Variants in SSH1 observed in about 807,000 individuals in gnomAD.
SSH1 encodes the protein protein phosphatase Slingshot homolog 1.
Under a neutral mutation model 79.7 loss-of-function variants are expected in SSH1, and 43 were observed. The ratio of observed to expected loss-of-function variants is 0.54; its 90% CI spans 0.42 to 0.70. The LOEUF (loss-of-function observed/expected upper bound fraction) is 0.70. Among genes scored for constraint, SSH1 ranks in the 30% least tolerant of loss-of-function variants. The pLI, the probability that SSH1 is intolerant of heterozygous loss-of-function variation, is 0.00. For missense variants in SSH1, 1,206 were observed against 1,358.8 expected, an observed-to-expected ratio of 0.89 and a Z score of 1.77; for synonymous variants, 599 against 538.3, an observed-to-expected ratio of 1.11 and a Z score of -1.56.
rs532989573 is a variant in SSH1 at position 108,846,505 on chromosome 12, C to T, written c.110+6133G>A. 4.6e-5 allele frequency among the ~76,000 whole-genome samples: 7 copies of T among 152,324 alleles called. No homozygotes were observed. In the East Asian group the frequency reaches 7.7e-4, roughly 17 times the overall value. ...ACAGCTTCCAAAGAGGGACTACGAG[C>T]GGCCAGCAGCAGCCTGCACATGCAG... On this transcript the variant is annotated intron_variant, in intron 2 of 14. Coordinates refer to ENST00000326495, the MANE Select transcript of SSH1 (RefSeq NM_018984.4).
In SSH1 at chr12:108,788,865, T is replaced by A. The variant is rs200922595; in HGVS notation, c.2273A>T (p.Lys758Met). Residue 758 changes from lysine to methionine, a missense_variant, in exon 15 of 15, where the codon AAG (lysine) becomes ATG (methionine). Lys to Met is a moderately conservative substitution (Grantham distance 95). Coordinates refer to ENST00000326495, the MANE Select transcript of SSH1 (RefSeq NM_018984.4). ...PKVLPKSLLL[K>M]NSHCDKNPPS... ...AGGGTTCTTATCACAGTGAGAATTC[T>A]TCAAAAGGAGGGACTTTGGCAGGAC... is the stretch of plus-strand genomic sequence containing the variant. 12 of 1,614,098 alleles carry A rather than the reference T, an allele frequency of 7.4e-6. No homozygotes were observed. The highest frequency in any genetic ancestry group is 1.0e-5 in the Non-Finnish European group (12 of 1,180,044).
At chr12:108,810,506 A>G (rs996998464) in intron 6 of SSH1, among the ~76,000 whole-genome samples, 2 of 152,156 alleles carry the variant, frequency 1.3e-5, no homozygotes, top group African/African-American at 4.8e-5. Context: ...AGGGTGACAG[A>G]GTGAGACTCC....
rs917471254 is a variant in SSH1 at position 108,809,061 on chromosome 12, T to C, written c.536+632A>G. 2.0e-5 allele frequency among the ~76,000 whole-genome samples: 3 copies of C among 150,662 alleles called. No homozygotes were observed. In the South Asian group the frequency reaches 6.5e-4, roughly 33 times the overall value. On this transcript the variant is annotated intron_variant, in intron 7 of 14. Coordinates refer to ENST00000326495, the MANE Select transcript of SSH1 (RefSeq NM_018984.4). ...GTTGGCCAGGCTGGTCTCAAACTCC[T>C]GACCTCAGGTCATCCACCCACCGTG...
At chr12:108,838,236 T>C (rs1474151367) in intron 2 of SSH1, among the ~76,000 whole-genome samples, 2 of 152,220 alleles carry the variant, frequency 1.3e-5, no homozygotes, top group African/African-American at 4.8e-5. Flanking sequence ...CTTTCATCTC[T>C]TGCATAGTTT....
At chr12:108,816,431 T>G (rs1319916334) in intron 5 of SSH1, among the ~76,000 whole-genome samples, 1 of 152,236 alleles carries the variant, frequency 6.6e-6, no homozygotes, top group Non-Finnish European at 1.5e-5. Context: ...AGGCATTCAT[T>G]TATCTTGTGA....
intron 3 of SSH1, among the ~76,000 whole-genome samples, chr12:108,820,670 G>T (rs2038083792): frequency 6.6e-6 from 1 of 152,176 alleles, no homozygotes; most frequent in Non-Finnish European, 1.5e-5. Context: ...GACTGGACTG[G>T]CTGAAACAAA....
chr12:108,802,238 C>T, intron 11 of SSH1, 84 bp downstream of exon 11: 1 of 1,316,180 alleles, frequency 7.6e-7, no homozygotes, highest in Non-Finnish European at 1.1e-6. Flanking sequence ...AGGCAGGCAG[C>T]CCCAAGGTCT....
intron 2 of SSH1, among the ~76,000 whole-genome samples, chr12:108,841,814 C>A (rs186169816): frequency 0.023 from 3,308 of 143,036 alleles, 133 homozygotes; most frequent in African/African-American, 0.084. Context: ...TCCCCCCCCA[C>A]AAAAAAAAAG....
Position 108,799,113 on chromosome 12 carries a change from G to A in SSH1, c.1236C>T (p.Phe412=), listed in dbSNP as rs184372660. The A allele has an allele frequency of 2.3e-5, 37 of 1,614,194 alleles. No individual in the cohort carries two copies. The highest frequency in any genetic ancestry group is 1.7e-4 in the African/African-American group (13 of 75,064). The change falls in exon 13 of 15, where the codon TTC becomes TTT. Residue 412 remains phenylalanine, a synonymous_variant. Transcript: ENST00000326495. ...TATATGCTTTTTCCAGAGGCCAGCC[G>A]AATTCCTTCATTGCATAGGCTATGA... ...STVIAYAMKE[F]GWPLEKAYNY...
In SSH1 at chr12:108,787,881, C is replaced by T; in HGVS notation, c.*107G>A. ...TAGGGGAAAAGTTAGGATGACTTCACTCGTTTAAGGGAAATCAAGATGTAA... is the reference window on the plus strand; with the variant it reads ...TAGGGGAAAAGTTAGGATGACTTCATTCGTTTAAGGGAAATCAAGATGTAA... On this transcript the variant is annotated 3_prime_UTR_variant, in exon 15 of 15. Coordinates refer to ENST00000326495, the MANE Select transcript of SSH1 (RefSeq NM_018984.4). 1 of 1,431,406 alleles carries T rather than the reference C, an allele frequency of 7.0e-7. No individual in the cohort carries two copies. Among genetic ancestry groups the T allele is most frequent in the South Asian group, 1.2e-5 (1 of 84,724 alleles). The allele number at this position is 1,431,406 out of a possible 1,614,324, so 88.7% of individuals were successfully genotyped here.
intron 2 of SSH1, among the ~76,000 whole-genome samples, chr12:108,845,362 C>T (rs891692104): frequency 6.6e-5 from 10 of 152,096 alleles, no homozygotes; most frequent in Non-Finnish European, 1.3e-4. Flanking sequence ...ATTCCTGACC[C>T]ATGGAAGCTG....
chr12:108,852,819 T>A (rs1230792316), intron 1 of SSH1, 141 bp from the exon 2 acceptor site: 1 of 1,558,258 alleles, frequency 6.4e-7, no homozygotes, highest in African/African-American at 1.4e-5. Context: ...AGCCGTGCCC[T>A]TTCCTCACCA....
intron 13 of SSH1, among the ~76,000 whole-genome samples, chr12:108,795,375 G>A (rs2036704567): frequency 6.6e-6 from 1 of 151,804 alleles, no homozygotes; most frequent in African/African-American, 2.4e-5. Flanking sequence ...TCAGCCTCCT[G>A]AGTAGCTGAG....
Position 108,788,986 on chromosome 12 carries a change from C to A in SSH1, c.2152G>T (p.Ala718Ser), listed in dbSNP as rs539790565. ...PTEPPPFLPP[A>S]GSRRADTSGP... ...CTGGTGTCTGCCCTCCTGGAGCCTG[C>A]TGGTGGTAGGAACGGGGGAGGTTCG... Residue 718 changes from alanine (A) to serine (S), a missense_variant, in exon 15 of 15, where the codon GCA becomes TCA. Physicochemically the swap from Ala to Ser is moderately conservative, Grantham distance 99. Coordinates refer to ENST00000326495, the MANE Select transcript of SSH1 (RefSeq NM_018984.4). 44 of 1,611,476 alleles carry A rather than the reference C, an allele frequency of 2.7e-5. 1 individual carries two copies. The South Asian group carries it at 4.7e-4, about 17-fold the overall frequency.
Position 108,799,131 on chromosome 12 carries a change from G to A in SSH1, c.1218C>T (p.Ala406=), listed in dbSNP as rs1438109667. The A allele has an allele frequency of 6.2e-7, 1 of 1,614,232 alleles. No individual in the cohort carries two copies. The highest frequency in any genetic ancestry group is 2.2e-5 in the East Asian group (1 of 44,890). Residue 406 remains alanine (A), a synonymous_variant, in exon 13 of 15, where the codon GCC becomes GCT. Coordinates refer to ENST00000326495, the MANE Select transcript of SSH1 (RefSeq NM_018984.4). ...GVSRSASTVI[A]YAMKEFGWPL... ...GCCAGCCGAATTCCTTCATTGCATA[G>A]GCTATGACTGTGGAGGCCGAGCGAC...
chr12:108,792,521 G>T lies in SSH1; in HGVS notation c.1658C>A (p.Pro553Gln), dbSNP rs761861980. 1.2e-6 allele frequency: 2 copies of T among 1,614,020 alleles called. No homozygotes were observed. Among genetic ancestry groups the T allele is most frequent in the Admixed American group, 3.3e-5 (2 of 60,002 alleles). Reference sequence around the variant, plus strand: ...GGAACCTTGCTGGGGCTGTCTGGCCGGCCTGTGCACCTCTGCAGGTGGAGC... The same window carrying T: ...GGAACCTTGCTGGGGCTGTCTGGCCTGCCTGTGCACCTCTGCAGGTGGAGC... ...EAAPPAEVHR[P>Q]ARQPQQGSGL... is the part of the protein sequence containing the mutation. The change falls in exon 14 of 15, where the codon CCG becomes CAG. Residue 553 changes from proline (P) to glutamine (Q), a missense_variant. Transcript: ENST00000326495.
intron 2 of SSH1, among the ~76,000 whole-genome samples, chr12:108,835,109 G>A (rs867227834): frequency 2.0e-5 from 3 of 152,266 alleles, no homozygotes; most frequent in Middle Eastern, 3.4e-3. Context: ...TGTCTGGAGA[G>A]CTAGGCCTAT....
chr12:108,844,969 T>G (rs2038864779), intron 2 of SSH1, among the ~76,000 whole-genome samples: 1 of 150,500 alleles, frequency 6.6e-6, no homozygotes, highest in African/African-American at 2.5e-5. Flanking sequence ...ATTTGCAGGG[T>G]ACACCTACAG....
rs11609807 is a variant in SSH1 at position 108,795,573 on chromosome 12, A to G, written c.1350-2744T>C. The stretch of plus-strand genomic sequence containing the variant: ...TTTTTTTTTTACAGCTAAAATACAT[A>G]TAATATAAAATTTGGGCCAGGTGTG... On this transcript the variant is annotated intron_variant, in intron 13 of 14. Coordinates refer to ENST00000326495, the MANE Select transcript of SSH1 (RefSeq NM_018984.4). Among the ~76,000 whole-genome samples, 1,110 of 151,974 alleles carry G rather than the reference A, an allele frequency of 7.3e-3. 11 individuals are homozygous for G. The highest frequency in any genetic ancestry group is 0.011 in the Non-Finnish European group (715 of 67,958).
Sources: allele counts gnomAD v4.1 joint callset (sites outside exome capture counted in the v4.1 genomes callset), GRCh38; gene constraint gnomAD v4.1.1; transcripts MANE v1.5; gene names NCBI Gene and HGNC (gene_info 2026-07-23, HGNC 2026-07-21).